Variants in CDKAL1 observed in about 807,000 individuals in gnomAD.
CDKAL1 encodes threonylcarbamoyladenosine tRNA methylthiotransferase.
CDKAL1 carries 32 observed loss-of-function variants against 68.2 expected under a neutral mutation model. The observed-to-expected ratio is 0.47, with a 90% confidence interval of 0.35 to 0.63. CDKAL1 has a LOEUF of 0.63. Ranked by LOEUF, CDKAL1 falls within the 30% of genes least tolerant of loss-of-function variation. The probability of loss-of-function intolerance (pLI) is 0.00; values close to 1 mark genes in which losing one functional copy is unlikely to be tolerated. For synonymous variants in CDKAL1, 234 were observed against 244.3 expected (o/e 0.96, Z 0.39); for missense variants, 606 against 696.7 (o/e 0.87, Z 1.47).
At chr6:20,859,923 G>A (rs1319615437) in intron 9 of CDKAL1, among the ~76,000 whole-genome samples, 2 of 151,966 alleles carry the variant, frequency 1.3e-5, no homozygotes, top group Admixed American at 1.3e-4. Context: ...TTTTCCTGTG[G>A]TCTTTGCATG....
chr6:21,117,304 A>G (rs1231355139), intron 13 of CDKAL1, among the ~76,000 whole-genome samples: 1 of 146,512 alleles, frequency 6.8e-6, no homozygotes, highest in Non-Finnish European at 1.5e-5. Flanking sequence ...TTTTTTTTTT[A>G]GAATGTGCCA....
intron 7 of CDKAL1, among the ~76,000 whole-genome samples, chr6:20,780,043 G>C (rs906701107): frequency 7.0e-6 from 1 of 143,710 alleles, no homozygotes; most frequent in Non-Finnish European, 1.5e-5. Context: ...GAGCCCAGGA[G>C]TTTGAAATCA....
At chr6:20,958,423 C>T (rs1170815506) in intron 10 of CDKAL1, among the ~76,000 whole-genome samples, 1 of 152,176 alleles carries the variant, frequency 6.6e-6, no homozygotes, top group Non-Finnish European at 1.5e-5. Flanking sequence ...AGAAGGCTTA[C>T]ATGGCTTCCC....
chr6:20,965,584 T>C (rs2150745065), intron 10 of CDKAL1, among the ~76,000 whole-genome samples: 1 of 152,326 alleles, frequency 6.6e-6, no homozygotes, highest in East Asian at 1.9e-4. Context: ...AATTTACATA[T>C]TTCAACTGAC....
chr6:21,101,003 G>T (rs1773550653), intron 12 of CDKAL1, among the ~76,000 whole-genome samples: 1 of 152,160 alleles, frequency 6.6e-6, no homozygotes, highest in South Asian at 2.1e-4. Flanking sequence ...CCAGGTAGGG[G>T]ACTAAATATA....
chr6:20,812,166 CGAAT>C (rs1304674944), intron 8 of CDKAL1, among the ~76,000 whole-genome samples: 2 of 152,072 alleles, frequency 1.3e-5, no homozygotes, highest in Non-Finnish European at 2.9e-5. Flanking sequence ...AAAGGTAGGA[CGAAT>C]GCCTAATTCC....
At chr6:20,837,835 G>C (rs948371014) in intron 8 of CDKAL1, among the ~76,000 whole-genome samples, 3 of 151,018 alleles carry the variant, frequency 2.0e-5, no homozygotes, top group Admixed American at 6.6e-5. Context: ...TGATAAGGGG[G>C]CCAGGTATGT....
At chr6:21,095,958 G>C (rs1358903016) in intron 12 of CDKAL1, among the ~76,000 whole-genome samples, 1 of 152,164 alleles carries the variant, frequency 6.6e-6, no homozygotes, top group African/African-American at 2.4e-5. Context: ...TCTTATTATT[G>C]GTATGATGGG....
At chr6:20,661,119 G>T (rs982667824) in intron 5 of CDKAL1, among the ~76,000 whole-genome samples, 3 of 152,118 alleles carry the variant, frequency 2.0e-5, no homozygotes, top group African/African-American at 7.2e-5. Flanking sequence ...CTAGAATAGT[G>T]CCTGATGAAC....
rs930058044 is a variant in CDKAL1 at position 21,201,373 on chromosome 6, CTT to C, written c.1548+103_1548+104del. ...TGTTTCTGTTATCATTTATAGTTCCCTTTTTATGTATGCATGAGGCTTTAATC... is the reference window on the plus strand; with the variant it reads ...TGTTTCTGTTATCATTTATAGTTCCCTTTATGTATGCATGAGGCTTTAATC... On this transcript the variant is annotated intron_variant, in intron 15 of 15. Transcript: ENST00000274695. 26 of 1,057,498 alleles carry C rather than the reference CTT, an allele frequency of 2.5e-5. No homozygotes were observed. The African/African-American group carries it at 4.0e-4, about 16-fold the overall frequency. 65.5% of individuals were successfully genotyped at this position (1,057,498 alleles called of 1,614,324 possible). A position where few individuals can be genotyped will look rare whatever the true frequency, so the allele number is the denominator to read the frequency against.
At chr6:21,152,193 G>T (rs1241086832) in intron 13 of CDKAL1, among the ~76,000 whole-genome samples, 3 of 152,108 alleles carry the variant, frequency 2.0e-5, no homozygotes, top group African/African-American at 7.2e-5. Context: ...TCTTCACCAA[G>T]TTCTTTCTTC....
At chr6:20,573,455 A>G (rs774548777) in intron 4 of CDKAL1, among the ~76,000 whole-genome samples, 1 of 152,180 alleles carries the variant, frequency 6.6e-6, no homozygotes, top group Non-Finnish European at 1.5e-5. Context: ...TGAACCTAAT[A>G]TGTGTTCAAA....
chr6:20,796,349 A>T (rs1776108953), intron 8 of CDKAL1, among the ~76,000 whole-genome samples: 1 of 152,214 alleles, frequency 6.6e-6, no homozygotes, highest in Admixed American at 6.5e-5. Flanking sequence ...ATCAAAGAAG[A>T]TCTAAATAAA....
chr6:20,622,499 A>T (rs956635655), intron 4 of CDKAL1, among the ~76,000 whole-genome samples: 1 of 152,094 alleles, frequency 6.6e-6, no homozygotes. Flanking sequence ...TGTTGGATTG[A>T]TACTGAAATG....
At chr6:20,951,282 A>AT (rs1441301832) in intron 9 of CDKAL1, among the ~76,000 whole-genome samples, 1 of 152,222 alleles carries the variant, frequency 6.6e-6, no homozygotes, top group Non-Finnish European at 1.5e-5. Flanking sequence ...CTTCACCCAT[A>AT]TTTTAATTCA....
At position 21,086,214 on chromosome 6, in the gene CDKAL1, G is replaced by A. The variant is rs78685879; in HGVS notation, c.1236+20986G>A. On this transcript the variant is annotated intron_variant, in intron 12 of 15. Transcript: ENST00000274695. ...TGCTCAAAGTGACACAATTAATGGT[G>A]GACTTAGGATTCAAAACCAAGAATT... Among the ~76,000 whole-genome samples the A allele has an allele frequency of 3.8e-3, 575 of 152,180 alleles. 5 individuals carry two copies. The highest frequency in any genetic ancestry group is 0.013 in the African/African-American group (551 of 41,520).
intron 9 of CDKAL1, among the ~76,000 whole-genome samples, chr6:20,940,551 A>G (rs1581874347): frequency 6.6e-6 from 1 of 152,144 alleles, no homozygotes; most frequent in South Asian, 2.1e-4. Context: ...ATTTGTAATC[A>G]ATTTCTTTTG....
chr6:20,648,852 A>G (rs1273950330), intron 4 of CDKAL1, among the ~76,000 whole-genome samples: 1 of 152,220 alleles, frequency 6.6e-6, no homozygotes, highest in Non-Finnish European at 1.5e-5. Context: ...TTTGAGGTAA[A>G]TCATTAATTT....
chr6:20,775,689 T>G (rs1204235808), intron 7 of CDKAL1, among the ~76,000 whole-genome samples: 2 of 152,208 alleles, frequency 1.3e-5, no homozygotes, highest in East Asian at 3.8e-4. Context: ...TTATTATTTA[T>G]TCTGGTAAGT....
Sources: gnomAD v4.1 joint callset for allele counts (sites outside exome capture counted in the v4.1 genomes callset) on GRCh38, gnomAD v4.1.1 for gene constraint, MANE v1.5 for transcripts, NCBI Gene and HGNC (gene_info 2026-07-23, HGNC 2026-07-21) for gene names.